Variants in PIP5K1B observed in about 807,000 individuals in gnomAD.
PIP5K1B encodes phosphatidylinositol 4-phosphate 5-kinase type-1 beta.
A neutral mutation model predicts 67.0 loss-of-function variants in PIP5K1B; 42 were observed. The observed-to-expected ratio is 0.63, with a 90% confidence interval of 0.49 to 0.81. The LOEUF (loss-of-function observed/expected upper bound fraction) is 0.81, where lower values mean the gene tolerates loss of function less well. Ranked by LOEUF, PIP5K1B falls within the 30% of genes least tolerant of loss-of-function variation. The pLI, the probability that PIP5K1B is intolerant of heterozygous loss-of-function variation, is 0.00. For synonymous variants in PIP5K1B, 214 were observed against 231.4 expected (o/e 0.92, Z 0.68); for missense variants, 459 against 646.3 (o/e 0.71, Z 3.14).
At chr9:68,773,111 G>A (rs1830744387) in intron 2 of PIP5K1B, among the ~76,000 whole-genome samples, 1 of 152,110 alleles carries the variant, frequency 6.6e-6, no homozygotes, top group African/African-American at 2.4e-5. Context: ...CTAATACACT[G>A]AGCTCTTAAG....
At chr9:69,005,622 G>A (rs527422717) in intron 15 of PIP5K1B, among the ~76,000 whole-genome samples, 2 of 152,078 alleles carry the variant, frequency 1.3e-5, no homozygotes, top group African/African-American at 2.4e-5. Context: ...CAGGTGATCC[G>A]CCTGCCTCGG....
At chr9:68,847,035 T>C (rs1206440798) in intron 4 of PIP5K1B, among the ~76,000 whole-genome samples, 1 of 152,152 alleles carries the variant, frequency 6.6e-6, no homozygotes, top group Non-Finnish European at 1.5e-5. Context: ...TTCATTTTTA[T>C]TTTTTTCTTT....
At chr9:68,849,179 C>A (rs560852874) in intron 4 of PIP5K1B, among the ~76,000 whole-genome samples, 1 of 152,238 alleles carries the variant, frequency 6.6e-6, no homozygotes, top group African/African-American at 2.4e-5. Context: ...ATATTCATCA[C>A]CACATTATTT....
chr9:68,780,242 C>A, intron 2 of PIP5K1B: 1 of 1,534,836 alleles, frequency 6.5e-7, no homozygotes, highest in Admixed American at 2.1e-5. Context: ...GCGGTGGCAG[C>A]GGCGGCGGCG....
At chr9:68,764,291 TAGTC>T in intron 2 of PIP5K1B, among the ~76,000 whole-genome samples, 1 of 152,116 alleles carries the variant, frequency 6.6e-6, no homozygotes, top group East Asian at 1.9e-4. Context: ...TTTTTGGGAA[TAGTC>T]AGTTCAACCC....
chr9:68,989,087 T>C, intron 14 of PIP5K1B, among the ~76,000 whole-genome samples: 1 of 76,954 alleles, frequency 1.3e-5, no homozygotes, highest in South Asian at 5.6e-4. Context: ...AGAGCAAGAC[T>C]CCGTCTCAAA....
At chr9:69,005,010 A>G (rs1831008913) in intron 15 of PIP5K1B, among the ~76,000 whole-genome samples, 2 of 151,976 alleles carry the variant, frequency 1.3e-5, no homozygotes, top group Admixed American at 6.6e-5. Context: ...ACATTACAAC[A>G]TGGGTGGAGA....
intron 1 of PIP5K1B, among the ~76,000 whole-genome samples, chr9:68,718,164 C>T (rs1827717264): frequency 1.3e-5 from 2 of 152,184 alleles, no homozygotes; most frequent in Admixed American, 1.3e-4. Flanking sequence ...AAAGACTCCC[C>T]TTGCAAAGTT....
At chr9:68,751,791 A>G (rs192051464) in intron 2 of PIP5K1B, among the ~76,000 whole-genome samples, 3 of 152,328 alleles carry the variant, frequency 2.0e-5, no homozygotes, top group South Asian at 2.1e-4. Context: ...CTGCACTGCA[A>G]AGAAAGTTTG....
intron 1 of PIP5K1B, among the ~76,000 whole-genome samples, chr9:68,723,199 G>T (rs1395943189): frequency 0.018 from 574 of 32,582 alleles, 4 homozygotes; most frequent in African/African-American, 0.065. Flanking sequence ...AGAGAGAGAG[G>T]GAGAGAGAGA....
At chr9:68,806,351 T>G (rs148460870) in intron 2 of PIP5K1B, among the ~76,000 whole-genome samples, 2 of 152,342 alleles carry the variant, frequency 1.3e-5, no homozygotes, top group African/African-American at 2.4e-5. Context: ...GTAAACATCT[T>G]GTGGGGCTCC....
At chr9:68,733,834 T>C (rs1828584555) in intron 1 of PIP5K1B, among the ~76,000 whole-genome samples, 1 of 152,054 alleles carries the variant, frequency 6.6e-6, no homozygotes, top group African/African-American at 2.4e-5. Flanking sequence ...GAGACGGGGT[T>C]TCACCATGTT....
intron 2 of PIP5K1B, among the ~76,000 whole-genome samples, chr9:68,761,433 A>G (rs1257607193): frequency 2.6e-5 from 4 of 152,122 alleles, no homozygotes; most frequent in Non-Finnish European, 4.4e-5. Context: ...GAAATTTCCT[A>G]TATTCATTTC....
rs144135294 is a variant in PIP5K1B at position 68,814,333 on chromosome 9, G to A, written c.-85-4128G>A. ...TCAAAAAGATAATATGAGCAAACCAGCAAAGAAATAATGAGTAAAAATAAG... is the reference window on the plus strand; with the variant it reads ...TCAAAAAGATAATATGAGCAAACCAACAAAGAAATAATGAGTAAAAATAAG... On this transcript the variant is annotated intron_variant, in intron 2 of 15. Transcript: ENST00000265382. 4.1e-3 allele frequency among the ~76,000 whole-genome samples: 625 copies of A among 152,242 alleles called. 2 individuals carry two copies. The highest frequency in any genetic ancestry group is 6.8e-3 in the Non-Finnish European group (460 of 68,008).
At chr9:68,911,721 T>C (rs1346250435) in intron 8 of PIP5K1B, among the ~76,000 whole-genome samples, 1 of 151,870 alleles carries the variant, frequency 6.6e-6, no homozygotes, top group African/African-American at 2.4e-5. Context: ...CAAAACCCCA[T>C]CTCCACAAAA....
In PIP5K1B at chr9:68,705,349, C is replaced by T. The variant is rs2132220859; in HGVS notation, c.-656C>T. On this transcript the variant is annotated 5_prime_UTR_variant, in exon 1 of 16. Coordinates refer to ENST00000265382, the MANE Select transcript of PIP5K1B (RefSeq NM_003558.4). ...GTCCCCGGTTCCCGGTCCCCGAACG[C>T]GCCGCGGCGAGGCTGCGCCCGGCAG... 6.6e-6 allele frequency: 1 copy of T among 151,412 alleles called. No individual in the cohort carries two copies. Among genetic ancestry groups the T allele is most frequent in the African/African-American group, 2.4e-5 (1 of 41,486 alleles). The allele number at this position is 151,412 out of a possible 1,614,324, so 9.4% of individuals were successfully genotyped here.
intron 5 of PIP5K1B, among the ~76,000 whole-genome samples, chr9:68,870,079 C>T (rs896830688): frequency 6.6e-6 from 1 of 152,162 alleles, no homozygotes; most frequent in East Asian, 1.9e-4. Flanking sequence ...AGCCATATAC[C>T]TCTTCCTTTA....
At chr9:68,994,622 A>G (rs1830527688) in intron 15 of PIP5K1B, among the ~76,000 whole-genome samples, 1 of 152,168 alleles carries the variant, frequency 6.6e-6, no homozygotes, top group Admixed American at 6.5e-5. Flanking sequence ...AAGGCAAACA[A>G]CATCTTTGTA....
At chr9:68,799,008 A>G (rs1832443916) in intron 2 of PIP5K1B, among the ~76,000 whole-genome samples, 1 of 152,212 alleles carries the variant, frequency 6.6e-6, no homozygotes, top group South Asian at 2.1e-4. Flanking sequence ...AAAAATGGGA[A>G]TGAAGTGACA....
Sources: gnomAD v4.1 joint callset for allele counts (sites outside exome capture counted in the v4.1 genomes callset) on GRCh38, gnomAD v4.1.1 for gene constraint, MANE v1.5 for transcripts, NCBI Gene and HGNC (gene_info 2026-07-23, HGNC 2026-07-21) for gene names.